The following IQSEC1 variants were observed in gnomAD, a reference collection of about 807,000 sequenced individuals.
IQSEC1 encodes IQ motif and Sec7 domain ArfGEF 1.
Under a neutral mutation model 91.0 loss-of-function variants are expected in IQSEC1, and 31 were observed. That is an observed-to-expected ratio of 0.34 (90% CI 0.26 to 0.46). IQSEC1 has a LOEUF of 0.46. IQSEC1 is among the 20% of genes least tolerant of loss of function. The pLI is 1.00. For missense variants in IQSEC1, 1,388 were observed against 1,575.6 expected (o/e 0.88, Z 2.02); for synonymous variants, 699 against 662.6 (o/e 1.05, Z -0.84).
At chr3:13,038,262 GTATATATATA>G (rs58338571) in intron 1 of IQSEC1, among the ~76,000 whole-genome samples, 13,776 of 101,302 alleles carry the variant, frequency 0.14, 966 homozygotes, top group Middle Eastern at 0.3. Context: ...GTGTGTGTGT[GTATATATATA>G]TATATATATA....
At chr3:13,077,942 A>G, upstream of IQSEC1, among the ~76,000 whole-genome samples, 1 of 152,200 alleles carries the variant, frequency 6.6e-6, no homozygotes, top group South Asian at 2.1e-4. Flanking sequence ...GAGATCTGAA[A>G]GCCACGAGGG....
intron 2 of IQSEC1, among the ~76,000 whole-genome samples, chr3:13,129,894 A>G (rs62234196): frequency 0.51 from 76,562 of 151,236 alleles, 20,153 homozygotes; most frequent in African/African-American, 0.65. Context: ...TCCTGACCTC[A>G]TGATCCACCT....
In IQSEC1 at chr3:13,142,305, C is replaced by G. The variant is rs546894072; in HGVS notation, c.302+21799G>C. On this transcript the variant is annotated intron_variant, in intron 2 of 15. Transcript: ENST00000648114. The stretch of plus-strand genomic sequence containing the variant: ...GGGAAGGGCTTCCCTGCAGGCTGCA[C>G]AGGAGAGTCAGGGTGGGTGTGGAAG... Among the ~76,000 whole-genome samples, 18 of 152,358 alleles carry G rather than the reference C, an allele frequency of 1.2e-4. No individual in the cohort carries two copies. In the South Asian group the frequency reaches 3.5e-3, roughly 30 times the overall value.
At chr3:13,053,769 G>T (rs1322011913) in intron 1 of IQSEC1, among the ~76,000 whole-genome samples, 1 of 152,160 alleles carries the variant, frequency 6.6e-6, no homozygotes, top group Non-Finnish European at 1.5e-5. Flanking sequence ...TTCCAAAGGG[G>T]TGGGGAGGCC....
At chr3:13,124,576 C>CCA (rs1706479904) in intron 2 of IQSEC1, among the ~76,000 whole-genome samples, 1 of 152,200 alleles carries the variant, frequency 6.6e-6, no homozygotes, top group South Asian at 2.1e-4. Context: ...CTGCCCCCTT[C>CCA]CACACACACT....
intron 6 of IQSEC1, among the ~76,000 whole-genome samples, chr3:12,918,196 G>C (rs192221773): frequency 6.6e-6 from 1 of 152,214 alleles, no homozygotes; most frequent in Non-Finnish European, 1.5e-5. Context: ...CCTGAGCTCT[G>C]GGCTGAAAAG....
intron 1 of IQSEC1, among the ~76,000 whole-genome samples, chr3:12,963,539 T>C (rs1034641752): frequency 1.3e-5 from 2 of 152,376 alleles, no homozygotes; most frequent in African/African-American, 4.8e-5. Context: ...CTACCATTTG[T>C]TGGGGATCTA....
At chr3:13,235,731 CCT>C (rs2125095740) in intron 1 of IQSEC1, among the ~76,000 whole-genome samples, 1 of 152,304 alleles carries the variant, frequency 6.6e-6, no homozygotes, top group South Asian at 2.1e-4. Flanking sequence ...ATTCTTCTTC[CCT>C]TTGGGAAATG....
chr3:13,083,440 G>A (rs994441310), intron 2 of IQSEC1, among the ~76,000 whole-genome samples: 7 of 152,240 alleles, frequency 4.6e-5, no homozygotes, highest in African/African-American at 1.7e-4. Flanking sequence ...GTGACCCTGG[G>A]CAAACGACTC....
At chr3:13,060,727 G>A (rs926410739) in intron 1 of IQSEC1, among the ~76,000 whole-genome samples, 8 of 152,214 alleles carry the variant, frequency 5.3e-5, no homozygotes, top group Admixed American at 3.3e-4. Flanking sequence ...CCCCGGCGGG[G>A]CTCCAGGACC....
At chr3:12,984,764 A>G (rs1008363886) in intron 1 of IQSEC1, among the ~76,000 whole-genome samples, 2 of 151,708 alleles carry the variant, frequency 1.3e-5, no homozygotes, top group South Asian at 2.1e-4. Flanking sequence ...CAGACTTAGC[A>G]CTGCCTTCAG....
In IQSEC1 at chr3:12,948,733, G is replaced by C. The variant is rs150891924; in HGVS notation, c.24-6868C>G. Among the ~76,000 whole-genome samples, 881 of 152,276 alleles carry C rather than the reference G, an allele frequency of 5.8e-3. 8 individuals carry two copies. Among genetic ancestry groups the C allele is most frequent in the African/African-American group, 0.02 (825 of 41,554 alleles). On this transcript the variant is annotated intron_variant, in intron 1 of 13. Transcript: ENST00000613206. ...CGACAACGACAATGGTAGTAACAGC[G>C]AATGTCTATATGGCTAGTGATGTTC...
chr3:12,931,649 G>A (rs778230302), intron 3 of IQSEC1, among the ~76,000 whole-genome samples: 15 of 152,224 alleles, frequency 9.9e-5, no homozygotes, highest in Non-Finnish European at 1.6e-4. Context: ...ACAGGTGGAG[G>A]GGAATGGCCC....
chr3:12,957,857 G>A (rs142649036), intron 1 of IQSEC1, among the ~76,000 whole-genome samples: 59 of 152,356 alleles, frequency 3.9e-4, no homozygotes, highest in African/African-American at 1.3e-3. Flanking sequence ...TACAGTCCAT[G>A]AACTACGGTG....
intron 2 of IQSEC1, among the ~76,000 whole-genome samples, chr3:13,147,532 G>A (rs112623447): frequency 0.027 from 4,121 of 152,284 alleles, 185 homozygotes; most frequent in African/African-American, 0.092. Context: ...ATTCCATGGT[G>A]TAGACATACC....
intron 2 of IQSEC1, among the ~76,000 whole-genome samples, chr3:13,133,088 C>T (rs1335399896): frequency 6.6e-6 from 1 of 152,240 alleles, no homozygotes; most frequent in Non-Finnish European, 1.5e-5. Context: ...AACCAGTTGG[C>T]CCCAGAGGGG....
At chr3:12,943,341 G>A (rs1223484436) in intron 1 of IQSEC1, among the ~76,000 whole-genome samples, 2 of 152,244 alleles carry the variant, frequency 1.3e-5, no homozygotes, top group African/African-American at 2.4e-5. Context: ...ATCCCGACTC[G>A]GAACTCGCAA....
chr3:13,063,696 A>G (rs1179940037), intron 1 of IQSEC1, among the ~76,000 whole-genome samples: 1 of 152,262 alleles, frequency 6.6e-6, no homozygotes, highest in African/African-American at 2.4e-5. Flanking sequence ...CCTGGGGGCC[A>G]GCCAGGCCCC....
At chr3:13,047,575 A>T in intron 1 of IQSEC1, 1 of 933,858 alleles carries the variant, frequency 1.1e-6, no homozygotes, top group African/African-American at 1.8e-5. Context: ...CACACAGCAA[A>T]CCCCTTGGGG....
Sources: allele counts gnomAD v4.1 joint callset (sites outside exome capture counted in the v4.1 genomes callset), GRCh38; gene constraint gnomAD v4.1.1; transcripts MANE v1.5; gene names NCBI Gene and HGNC (gene_info 2026-07-23, HGNC 2026-07-21).